The following ACACB variants were observed in gnomAD, a reference collection of about 807,000 sequenced individuals.
The protein encoded by ACACB is acetyl-CoA carboxylase beta, also known as acetyl-CoA carboxylase 2.
A neutral mutation model predicts 278.8 loss-of-function variants in ACACB; 209 were observed. The observed-to-expected ratio is 0.75, with a 90% confidence interval of 0.67 to 0.84. The LOEUF is 0.84. ACACB is among the 40% of genes least tolerant of loss of function. The pLI is 0.00. For synonymous variants in ACACB, 1,174 were observed against 1,285.6 expected, an observed-to-expected ratio of 0.91 and a Z score of 1.86; for missense variants, 2,850 against 3,269.0, an observed-to-expected ratio of 0.87 and a Z score of 3.13.
At chr12:109,210,562 T>TAC (rs773963782) in intron 21 of ACACB, among the ~76,000 whole-genome samples, 11 of 148,928 alleles carry the variant, frequency 7.4e-5, no homozygotes, top group African/African-American at 2.4e-4. Flanking sequence ...TATACATATA[T>TAC]ACATGTATGT....
chr12:109,171,731 C>T lies in ACACB; in HGVS notation c.926-74C>T, dbSNP rs2044122784. On this transcript the variant is annotated intron_variant, in intron 4 of 52. Transcript: ENST00000338432. Reference sequence around the variant, plus strand: ...TCTGCTTTCCATGGCTGTACATAGTCACATCTTGTAATGTTCTGCCATTGA... The same window carrying T: ...TCTGCTTTCCATGGCTGTACATAGTTACATCTTGTAATGTTCTGCCATTGA... 5 of 1,115,598 alleles carry T rather than the reference C, an allele frequency of 4.5e-6. No individual in the cohort carries two copies. The South Asian group carries it at 6.6e-5, about 15-fold the overall frequency. 69.1% of individuals were successfully genotyped at this position (1,115,598 alleles called of 1,614,324 possible). A position where few individuals can be genotyped will look rare whatever the true frequency, so the allele number is the denominator to read the frequency against.
chr12:109,144,831 G>A (rs984826223), intron 2 of ACACB, among the ~76,000 whole-genome samples: 1 of 130,590 alleles, frequency 7.7e-6, no homozygotes, highest in African/African-American at 2.9e-5. Context: ...GCACAATCTC[G>A]GCTCACTGCA....
At chr12:109,199,319 G>T in intron 17 of ACACB, 83 bp from the exon 18 acceptor site, 7 of 1,213,960 alleles carry the variant, frequency 5.8e-6, no homozygotes, top group Non-Finnish European at 7.6e-6. Context: ...TTAGGAAGGG[G>T]AAATGGTATT....
chr12:109,184,639 G>A (rs1232287224), intron 11 of ACACB, among the ~76,000 whole-genome samples: 1 of 151,422 alleles, frequency 6.6e-6, no homozygotes, highest in African/African-American at 2.4e-5. Context: ...TTATTTTCAT[G>A]TGTCTTTAAT....
chr12:109,200,517 C>T (rs959979707), intron 18 of ACACB, among the ~76,000 whole-genome samples: 3 of 152,046 alleles, frequency 2.0e-5, no homozygotes, highest in African/African-American at 7.2e-5. Flanking sequence ...TATTGTCAAT[C>T]AATGATTAAA....
At chr12:109,143,660 C>T (rs1197423774) in intron 2 of ACACB, among the ~76,000 whole-genome samples, 1 of 152,112 alleles carries the variant, frequency 6.6e-6, no homozygotes, top group Non-Finnish European at 1.5e-5. Flanking sequence ...GACACTGGCA[C>T]TTCCTCAAGG....
chr12:109,206,717 C>A lies in ACACB; in HGVS notation c.2921C>A (p.Pro974Gln), dbSNP rs768264013. The A allele has an allele frequency of 3.7e-6, 6 of 1,613,866 alleles. No homozygotes were observed. Among genetic ancestry groups the A allele is most frequent in the African/African-American group, 1.3e-5 (1 of 74,912 alleles). The change falls in exon 20 of 53, where the codon CCG becomes CAG. Residue 974 changes from proline to glutamine, a missense_variant. By Grantham distance (76) the Pro-to-Gln change is moderately conservative. Coordinates refer to ENST00000338432, the MANE Select transcript of ACACB (RefSeq NM_001093.4). ...CTTGTGGTGTCTCATCAGGCTGAAC[C>A]GTTCACAGGAGAACTCCCTGCCCAG... ...DDPSKVHPAE[P>Q]FTGELPAQQT... is the part of the protein sequence containing the mutation.
intron 28 of ACACB, among the ~76,000 whole-genome samples, chr12:109,230,319 G>T (rs1348760513): frequency 6.6e-6 from 1 of 152,222 alleles, no homozygotes; most frequent in Non-Finnish European, 1.5e-5. Context: ...TTGAGAGAAA[G>T]GGGACTGACT....
chr12:109,189,057 C>G (rs1251100739), intron 13 of ACACB, among the ~76,000 whole-genome samples: 1 of 152,190 alleles, frequency 6.6e-6, no homozygotes, highest in Non-Finnish European at 1.5e-5. Context: ...CTGAGAAGCC[C>G]ACATTGACAG....
chr12:109,218,359 G>A (rs1205768203), intron 24 of ACACB, among the ~76,000 whole-genome samples: 3 of 147,708 alleles, frequency 2.0e-5, no homozygotes, highest in Admixed American at 6.8e-5. Context: ...ACACCACCAC[G>A]CCCAGCTAGT....
chr12:109,199,052 T>A (rs887621712), intron 17 of ACACB, among the ~76,000 whole-genome samples: 35 of 151,742 alleles, frequency 2.3e-4, no homozygotes, highest in African/African-American at 8.0e-4. Flanking sequence ...TAGCTGGATG[T>A]GGTGGTGGGC....
intron 34 of ACACB, among the ~76,000 whole-genome samples, chr12:109,239,497 C>T (rs2046731505): frequency 6.6e-6 from 1 of 152,164 alleles, no homozygotes; most frequent in Non-Finnish European, 1.5e-5. Flanking sequence ...TCTCAGCAGA[C>T]CCTGGCATAT....
chr12:109,132,931 C>T (rs1396653607), intron 1 of ACACB, among the ~76,000 whole-genome samples: 1 of 152,152 alleles, frequency 6.6e-6, no homozygotes, highest in Non-Finnish European at 1.5e-5. Flanking sequence ...CTCCGCTGTA[C>T]AACTTGCAGC....
At position 109,179,228 on chromosome 12, in the gene ACACB, G is replaced by C; in HGVS notation, c.1578G>C (p.Arg526=). ...LFGRDCSIQR[R]HQKIVEEAPA... ...GTCGCGACTGCTCCATCCAGCGGCGGCATCAGAAGATCGTTGAGGAAGCAC... is the reference window on the plus strand; with the variant it reads ...GTCGCGACTGCTCCATCCAGCGGCGCCATCAGAAGATCGTTGAGGAAGCAC... Residue 526 remains arginine, a synonymous_variant, in exon 10 of 53, where the codon CGG becomes CGC. Coordinates refer to ENST00000338432, the MANE Select transcript of ACACB (RefSeq NM_001093.4). 2 of 1,614,028 alleles carry C rather than the reference G, an allele frequency of 1.2e-6. No homozygotes were observed. Among genetic ancestry groups the C allele is most frequent in the Non-Finnish European group, 1.7e-6 (2 of 1,180,020 alleles).
intron 2 of ACACB, among the ~76,000 whole-genome samples, chr12:109,162,867 T>C (rs2136135300): frequency 6.6e-6 from 1 of 152,354 alleles, no homozygotes; most frequent in Middle Eastern, 3.4e-3. Flanking sequence ...AATTCTGTTC[T>C]CACTCATAGT....
At chr12:109,124,450 G>GT (rs1304467541) in intron 1 of ACACB, among the ~76,000 whole-genome samples, 12 of 152,154 alleles carry the variant, frequency 7.9e-5, no homozygotes, top group African/African-American at 2.9e-4. Flanking sequence ...CTTTGAAGGT[G>GT]TTTTTCTGTT....
At chr12:109,176,422 T>C (rs573496620) in intron 9 of ACACB, among the ~76,000 whole-genome samples, 159 bp downstream of exon 9, 3 of 152,334 alleles carry the variant, frequency 2.0e-5, no homozygotes, top group South Asian at 2.1e-4. Context: ...CGTACATTTT[T>C]ACTCAGAAAA....
chr12:109,146,450 C>T (rs1411936120), intron 2 of ACACB, among the ~76,000 whole-genome samples: 1 of 152,194 alleles, frequency 6.6e-6, no homozygotes, highest in Non-Finnish European at 1.5e-5. Context: ...CTGAAGCAGT[C>T]TTCAAGGGGC....
At chr12:109,192,219 T>A (rs1374025732) in intron 15 of ACACB, among the ~76,000 whole-genome samples, 1 of 152,072 alleles carries the variant, frequency 6.6e-6, no homozygotes, top group African/African-American at 2.4e-5. Context: ...GTAAGGTACA[T>A]CATAATAGTC....
Sources: allele counts gnomAD v4.1 joint callset (sites outside exome capture counted in the v4.1 genomes callset), GRCh38; gene constraint gnomAD v4.1.1; transcripts MANE v1.5; gene names NCBI Gene and HGNC (gene_info 2026-07-23, HGNC 2026-07-21).